The following VPS13D variants were observed in gnomAD, a reference collection of about 807,000 sequenced individuals.
VPS13D encodes the protein vacuolar protein sorting 13 homolog D, also known as intermembrane lipid transfer protein VPS13D.
A neutral mutation model predicts 461.9 loss-of-function variants in VPS13D; 187 were observed. The observed-to-expected ratio is 0.40, with a 90% CI of 0.36 to 0.46. The LOEUF is 0.46. Ranked by LOEUF, VPS13D falls within the 20% of genes least tolerant of loss-of-function variation. The probability of loss-of-function intolerance (pLI) is 0.60; values close to 1 mark genes in which losing one functional copy is unlikely to be tolerated. For missense variants in VPS13D, 4,711 were observed against 5,364.9 expected, an observed-to-expected ratio of 0.88 and a Z score of 3.81; for synonymous variants, 1,951 against 1,986.3, an observed-to-expected ratio of 0.98 and a Z score of 0.47.
At chr1:12,498,459 C>A (rs1004690627) in intron 68 of VPS13D, among the ~76,000 whole-genome samples, 2 of 152,096 alleles carry the variant, frequency 1.3e-5, no homozygotes, top group Non-Finnish European at 2.9e-5. Flanking sequence ...TAGATCTCAT[C>A]TCATAGTTTC....
chr1:12,267,892 A>G lies in VPS13D; in HGVS notation c.1773A>G (p.Thr591=). The G allele has an allele frequency of 5.0e-6, 8 of 1,614,174 alleles. No individual in the cohort carries two copies. Among genetic ancestry groups the G allele is most frequent in the Non-Finnish European group, 6.8e-6 (8 of 1,179,998 alleles). ...CACAATCTTTTGGTCTACAAACTACATCTGCAGACAGAAGTGATCATTACC... is the reference window on the plus strand; with the variant it reads ...CACAATCTTTTGGTCTACAAACTACGTCTGCAGACAGAAGTGATCATTACC... ...RVSQSFGLQT[T]SADRSDHYPA... The change falls in exon 15 of 70, where the codon ACA becomes ACG. Residue 591 remains threonine, a synonymous_variant. Coordinates refer to ENST00000620676, the MANE Select transcript of VPS13D (RefSeq NM_015378.4).
Position 12,283,694 on chromosome 1 carries a change from G to T in VPS13D, c.5592G>T (p.Glu1864Asp). The T allele has an allele frequency of 6.2e-7, 1 of 1,614,186 alleles. No individual in the cohort carries two copies. The highest frequency in any genetic ancestry group is 8.5e-7 in the Non-Finnish European group (1 of 1,180,010). Reference sequence around the variant, plus strand: ...AGTTGGAGCCACATGCCTCCATGGAGTCTGGACTTCAGGATCCAGTGAACA... The same window carrying T: ...AGTTGGAGCCACATGCCTCCATGGATTCTGGACTTCAGGATCCAGTGAACA... The part of the protein sequence containing the change: ...NVKLEPHASM[E>D]SGLQDPVNTK... Residue 1864 changes from glutamate (E) to aspartate (D), a missense_variant, in exon 21 of 70, where the codon GAG becomes GAT. Transcript: ENST00000620676.
intron 67 of VPS13D, among the ~76,000 whole-genome samples, chr1:12,477,946 C>T (rs987059716): frequency 3.3e-5 from 5 of 152,162 alleles, no homozygotes; most frequent in Non-Finnish European, 7.4e-5. Flanking sequence ...TCCCATGGCA[C>T]CCCAGAAAAT....
chr1:12,372,385 GTTTTA>G (rs1188023277), intron 54 of VPS13D, among the ~76,000 whole-genome samples: 2 of 151,992 alleles, frequency 1.3e-5, no homozygotes, highest in Non-Finnish European at 2.9e-5. Flanking sequence ...GTTTTGTTTT[GTTTTA>G]AATGATACCC....
intron 53 of VPS13D, 108 bp from the exon 54 acceptor site, chr1:12,369,359 G>A (rs1211465805): frequency 1.6e-5 from 15 of 939,308 alleles, no homozygotes; most frequent in Non-Finnish European, 2.3e-5. Flanking sequence ...TCCTGTGTAA[G>A]ATTCATTTAG....
chr1:12,290,483 G>C (rs1437010103), intron 22 of VPS13D, among the ~76,000 whole-genome samples: 2 of 152,026 alleles, frequency 1.3e-5, no homozygotes, highest in African/African-American at 4.8e-5. Context: ...AGCATTTTGG[G>C]AGGCCAAGGC....
chr1:12,242,697 T>G, intron 3 of VPS13D, 107 bp downstream of exon 3: 129 of 889,822 alleles, frequency 1.4e-4, no homozygotes, highest in Non-Finnish European at 2.0e-4. Context: ...AGAGGAAGGA[T>G]ATAGCAAATG....
chr1:12,309,104 T>C (rs181745298), intron 27 of VPS13D, among the ~76,000 whole-genome samples: 1 of 152,350 alleles, frequency 6.6e-6, no homozygotes, highest in East Asian at 1.9e-4. Flanking sequence ...TGAGGGCTAC[T>C]GTGATGAAAG....
rs753826601 is a variant in VPS13D at position 12,435,679 on chromosome 1, C to T, written c.12333+18852C>T. On this transcript the variant is annotated intron_variant, in intron 65 of 69. Transcript: ENST00000620676. ...AACCGAGATTCTCTGATTCAGAGCC[C>T]GTCCTCTTAATACCAGTGCAAAAGC... Among the ~76,000 whole-genome samples, 6 of 151,424 alleles carry T rather than the reference C, an allele frequency of 4.0e-5. No homozygotes were observed. In the Middle Eastern group the frequency reaches 0.01, roughly 258 times the overall value.
chr1:12,498,998 C>T (rs1032734568), intron 68 of VPS13D, among the ~76,000 whole-genome samples: 12 of 152,128 alleles, frequency 7.9e-5, no homozygotes, highest in Non-Finnish European at 1.0e-4. Flanking sequence ...TAGGTTCTGC[C>T]GTTTCAGTCC....
rs375774204 is a variant in VPS13D, at chr1:12,452,084, T to C, written c.12334-3914T>C. Among the ~76,000 whole-genome samples, 27 of 152,352 alleles carry C rather than the reference T, an allele frequency of 1.8e-4. No individual in the cohort carries two copies. In the East Asian group the frequency reaches 4.6e-3, roughly 26 times the overall value. ...TCTTTCTATTATGCCACATCCATAC[T>C]TCCCTACTGAGGTCTTGAAGGCAAG... On this transcript the variant is annotated intron_variant, in intron 65 of 69. Transcript: ENST00000620676.
intron 26 of VPS13D, among the ~76,000 whole-genome samples, chr1:12,308,085 G>A (rs115472770): frequency 1.5e-4 from 23 of 152,288 alleles, no homozygotes; most frequent in African/African-American, 3.1e-4. Flanking sequence ...AGCATTGTGC[G>A]TGGGGAGGGA....
At chr1:12,288,171 A>T in intron 21 of VPS13D, 52 bp from the exon 22 acceptor site, 1 of 1,486,166 alleles carries the variant, frequency 6.7e-7, no homozygotes, top group Non-Finnish European at 9.4e-7. Flanking sequence ...TTCCTGAAAG[A>T]TACCTTTTCT....
chr1:12,276,959 G>A lies in VPS13D; in HGVS notation c.3371G>A (p.Gly1124Asp), dbSNP rs773381384. Residue 1124 changes from glycine to aspartate, a missense_variant, in exon 19 of 70, where the codon GGT becomes GAT. By Grantham distance (94) the Gly-to-Asp change is moderately conservative. Around this residue, in one of 3 missense-constraint regions of VPS13D, gnomAD observed 4,411 missense variants for 4,937.8 expected, o/e 0.89. Transcript: ENST00000620676. The surrounding 1 kb of genome is among the most constrained non-coding windows in gnomAD (Gnocchi z 4.5). ...LNPETIVELI[G>D]FLQKSFPKEK... Reference sequence around the variant, plus strand: ...CCAGAGACGATTGTGGAGCTAATTGGTTTTCTTCAAAAATCCTTTCCCAAG... The same window carrying A: ...CCAGAGACGATTGTGGAGCTAATTGATTTTCTTCAAAAATCCTTTCCCAAG... 4.3e-6 allele frequency: 7 copies of A among 1,614,098 alleles called. No homozygotes were observed. In the East Asian group the frequency reaches 8.9e-5, roughly 21 times the overall value.
chr1:12,253,489 ATTC>A (rs976441390), intron 6 of VPS13D, among the ~76,000 whole-genome samples: 3 of 152,068 alleles, frequency 2.0e-5, no homozygotes, highest in African/African-American at 7.2e-5. Flanking sequence ...CATCGTATAG[ATTC>A]TTCTTCTGCT....
At position 12,311,285 on chromosome 1, in the gene VPS13D, A is replaced by G. The variant is rs571032858; in HGVS notation, c.6651-169A>G. On this transcript the variant is annotated intron_variant, in intron 27 of 69. Coordinates refer to ENST00000620676, the MANE Select transcript of VPS13D (RefSeq NM_015378.4). ...TTTTTGTAGTTGAAGCATGACAGTC[A>G]TATTAACTTGCTTCATTTGGAGCTA... Among the ~76,000 whole-genome samples, 6 of 152,266 alleles carry G rather than the reference A, an allele frequency of 3.9e-5. No homozygotes were observed. In the South Asian group the frequency reaches 1.2e-3, roughly 32 times the overall value.
chr1:12,338,066 A>G (rs1049982884), intron 39 of VPS13D, 165 bp from the exon 40 acceptor site: 1 of 556,100 alleles, frequency 1.8e-6, no homozygotes, highest in African/African-American at 1.9e-5. Flanking sequence ...CACTTTGTCA[A>G]GTACATTCGT....
intron 67 of VPS13D, among the ~76,000 whole-genome samples, chr1:12,496,049 G>A (rs1047711064): frequency 6.6e-6 from 1 of 152,194 alleles, no homozygotes; most frequent in East Asian, 1.9e-4. Flanking sequence ...GTAGCCAACT[G>A]TAAGCCTGCG....
rs1641831528 is a variant in VPS13D, at chr1:12,282,920, A to G, written c.4818A>G (p.Ser1606=). 1 of 1,614,160 alleles carries G rather than the reference A, an allele frequency of 6.2e-7. No homozygotes were observed. The highest frequency in any genetic ancestry group is 1.1e-5 in the South Asian group (1 of 91,080). Residue 1606 remains serine, a synonymous_variant, in exon 21 of 70, where the codon TCA becomes TCG. Coordinates refer to ENST00000620676, the MANE Select transcript of VPS13D (RefSeq NM_015378.4). ...GCCTTTCTAACACCTCTCAGAAGTC[A>G]TTGTCAGTGAAGGAAGTCAAATCCT... ...HSSLSNTSQK[S]LSVKEVKSFT... is the part of the protein sequence containing the mutation.
Sources: allele counts gnomAD v4.1 joint callset (sites outside exome capture counted in the v4.1 genomes callset), GRCh38; gene constraint gnomAD v4.1.1; regional missense constraint gnomAD v4.1.1; non-coding constraint Gnocchi (gnomAD v3.1); transcripts MANE v1.5; gene names NCBI Gene and HGNC (gene_info 2026-07-23, HGNC 2026-07-21).